GTF2IRD1: variants seen among roughly 807,000 people sequenced by gnomAD.
The protein encoded by GTF2IRD1 is general transcription factor II-I repeat domain-containing protein 1.
Under a neutral mutation model 113.2 loss-of-function variants are expected in GTF2IRD1, and 26 were observed. The observed-to-expected ratio is 0.23, with a 90% CI of 0.17 to 0.32. The LOEUF is 0.32. Among genes scored for constraint, GTF2IRD1 ranks in the 10% least tolerant of loss-of-function variants. GTF2IRD1 has a pLI of 1.00. For missense variants in GTF2IRD1, 864 were observed against 1,280.8 expected (o/e 0.67, Z 4.97); for synonymous variants, 484 against 529.1 (o/e 0.91, Z 1.17).
At chr7:74,601,241 G>T in intron 26 of GTF2IRD1, 61 bp downstream of exon 26, 1 of 1,552,034 alleles carries the variant, frequency 6.4e-7, no homozygotes, top group Non-Finnish European at 8.7e-7. Context: ...CCTCTGTCTG[G>T]CAGGGCCGTC....
intron 25 of GTF2IRD1, among the ~76,000 whole-genome samples, chr7:74,600,415 A>C (rs782658430): frequency 1.3e-5 from 2 of 152,062 alleles, no homozygotes; most frequent in Non-Finnish European, 2.9e-5. Context: ...TGAGACCCTA[A>C]AAAACAATAT....
chr7:74,593,166 T>C (rs1194669980), intron 24 of GTF2IRD1, among the ~76,000 whole-genome samples: 3 of 151,988 alleles, frequency 2.0e-5, no homozygotes, highest in African/African-American at 7.2e-5. Flanking sequence ...CTACATGTTT[T>C]TTTAAAATTA....
chr7:74,481,560 G>A (rs2117117590), intron 1 of GTF2IRD1, among the ~76,000 whole-genome samples: 1 of 152,318 alleles, frequency 6.6e-6, no homozygotes, highest in Admixed American at 6.5e-5. Flanking sequence ...GTAGAGGGAA[G>A]CAAAGTCAGG....
chr7:74,512,923 T>C lies in GTF2IRD1; in HGVS notation c.217T>C (p.Phe73Leu). 1 of 1,614,124 alleles carries C rather than the reference T, an allele frequency of 6.2e-7. No homozygotes were observed. The highest frequency in any genetic ancestry group is 8.5e-7 in the Non-Finnish European group (1 of 1,180,000). The change falls in exon 3 of 27, where the codon TTC becomes CTC. Residue 73 changes from phenylalanine to leucine, a missense_variant. Phe to Leu is a conservative substitution (Grantham distance 22, BLOSUM62 0). Transcript: ENST00000424337. The surrounding 1 kb of genome is among the most constrained non-coding windows in gnomAD (Gnocchi z 4.4). ...GGTGGGCACAGAGAAGGGGAGAATG[T>C]TCCTGAATGCCCGGAAGGAGCTACA... ...FVVGTEKGRM[F>L]LNARKELQSD...
At chr7:74,481,798 A>G (rs1794754934) in intron 1 of GTF2IRD1, among the ~76,000 whole-genome samples, 1 of 152,236 alleles carries the variant, frequency 6.6e-6, no homozygotes, top group Admixed American at 6.5e-5. Context: ...TAATTAACTC[A>G]GGATTAATTT....
chr7:74,594,003 G>T (rs1190956324), intron 24 of GTF2IRD1, among the ~76,000 whole-genome samples: 1 of 151,770 alleles, frequency 6.6e-6, no homozygotes, highest in Non-Finnish European at 1.5e-5. Flanking sequence ...TTCGAGACCA[G>T]CCTGGCCAAC....
chr7:74,508,601 G>A, intron 2 of GTF2IRD1, among the ~76,000 whole-genome samples: 1 of 146,840 alleles, frequency 6.8e-6, no homozygotes, highest in Non-Finnish European at 1.5e-5. Context: ...TGAGGCAGGA[G>A]AATTGCTTGA....
At chr7:74,459,909 G>A (rs73135312) in intron 1 of GTF2IRD1, among the ~76,000 whole-genome samples, 4,638 of 152,060 alleles carry the variant, frequency 0.031, 139 homozygotes, top group African/African-American at 0.076. Context: ...GGGCTCAGTG[G>A]AGGCCCCGGG....
chr7:74,574,804 C>G (rs1224248610), intron 22 of GTF2IRD1, among the ~76,000 whole-genome samples: 15 of 149,184 alleles, frequency 1.0e-4, no homozygotes, highest in Non-Finnish European at 1.9e-4. Flanking sequence ...AAAAAAAAAA[C>G]CCGGCTGAGT....
At chr7:74,581,158 T>TA (rs1175762416) in intron 22 of GTF2IRD1, among the ~76,000 whole-genome samples, 6 of 151,876 alleles carry the variant, frequency 4.0e-5, no homozygotes, top group Non-Finnish European at 7.4e-5. Context: ...TAGCTGGGAT[T>TA]ACAGGCACCC....
intron 22 of GTF2IRD1, among the ~76,000 whole-genome samples, chr7:74,576,172 A>T (rs587605100): frequency 5.3e-5 from 8 of 152,076 alleles, no homozygotes; most frequent in Middle Eastern, 6.8e-3. Context: ...AAAAATAAAT[A>T]AATTACCTAA....
rs587730890 is a variant in GTF2IRD1, at chr7:74,554,103, G to A, written c.1917-1071G>A. On this transcript the variant is annotated intron_variant, in intron 17 of 26. Transcript: ENST00000424337. ...CACTCCCAGGCAGAGACTCCTCGGAGTTGCTGCTTGATTACCCCTGTGACA... is the reference window on the plus strand; with the variant it reads ...CACTCCCAGGCAGAGACTCCTCGGAATTGCTGCTTGATTACCCCTGTGACA... Among the ~76,000 whole-genome samples the A allele has an allele frequency of 5.9e-5, 9 of 152,306 alleles. No homozygotes were observed. In the East Asian group the frequency reaches 1.7e-3, roughly 29 times the overall value.
At chr7:74,458,216 G>A (rs782536216) in intron 1 of GTF2IRD1, among the ~76,000 whole-genome samples, 3 of 152,194 alleles carry the variant, frequency 2.0e-5, no homozygotes, top group South Asian at 2.1e-4. Context: ...ATATGGGGCC[G>A]CTAGGACAGG....
At chr7:74,476,174 G>A (rs577516886) in intron 1 of GTF2IRD1, among the ~76,000 whole-genome samples, 10 of 152,136 alleles carry the variant, frequency 6.6e-5, no homozygotes, top group Non-Finnish European at 1.3e-4. Flanking sequence ...ACTCCTGTCT[G>A]TAAAATGGGA....
intron 1 of GTF2IRD1, among the ~76,000 whole-genome samples, chr7:74,464,442 G>A (rs1163935924): frequency 6.6e-6 from 1 of 151,996 alleles, no homozygotes; most frequent in African/African-American, 2.4e-5. Flanking sequence ...TGTTGTTTTT[G>A]TTGTTGTTAT....
intron 13 of GTF2IRD1, 148 bp downstream of exon 13, chr7:74,538,908 T>C (rs1798467040): frequency 1.6e-6 from 1 of 609,402 alleles, no homozygotes; most frequent in Admixed American, 2.8e-5. Context: ...GAATGCTTTT[T>C]CTGGCCACAT....
chr7:74,600,380 T>C (rs1215240060), intron 25 of GTF2IRD1, among the ~76,000 whole-genome samples: 1 of 152,008 alleles, frequency 6.6e-6, no homozygotes, highest in Non-Finnish European at 1.5e-5. Context: ...GATTGCACCA[T>C]GGCACTCCAG....
intron 25 of GTF2IRD1, among the ~76,000 whole-genome samples, chr7:74,597,129 G>A (rs1422732116): frequency 2.0e-5 from 3 of 150,634 alleles, no homozygotes; most frequent in African/African-American, 4.9e-5. Flanking sequence ...TGCAACCTCC[G>A]ACTCCCGGGT....
chr7:74,538,863 C>A (rs1207112224), intron 13 of GTF2IRD1, 103 bp downstream of exon 13: 4 of 686,122 alleles, frequency 5.8e-6, no homozygotes, highest in Non-Finnish European at 1.0e-5. Context: ...GCCGCTGTTT[C>A]TCTCTGTGGA....
Sources: gnomAD v4.1 joint callset for allele counts (sites outside exome capture counted in the v4.1 genomes callset) on GRCh38, gnomAD v4.1.1 for gene constraint, Gnocchi (gnomAD v3.1) non-coding constraint, MANE v1.5 for transcripts, NCBI Gene and HGNC (gene_info 2026-07-23, HGNC 2026-07-21) for gene names.